The following CHST9 variants were observed in gnomAD, a reference collection of about 807,000 sequenced individuals.
CHST9 encodes GalNAc-4-sulfotransferase 2.
In CHST9, 41 loss-of-function variants were observed where a neutral mutation model predicts 44.4. That is an observed-to-expected ratio of 0.92 (90% confidence interval 0.72 to 1.20). The LOEUF is 1.20. CHST9 is among the 50% of genes most tolerant of loss of function. CHST9 has a pLI of 0.00. For synonymous variants in CHST9, 171 were observed against 178.4 expected (o/e 0.96, Z 0.33); for missense variants, 504 against 516.5 (o/e 0.98, Z 0.23).
intron 2 of CHST9, among the ~76,000 whole-genome samples, chr18:27,056,301 G>A (rs2057654540): frequency 6.6e-6 from 1 of 152,062 alleles, no homozygotes; most frequent in Non-Finnish European, 1.5e-5. Flanking sequence ...GATGGTGAAG[G>A]CAGGCTCAGA....
intron 4 of CHST9, among the ~76,000 whole-genome samples, chr18:26,954,372 T>C (rs756763680): frequency 1.6e-4 from 25 of 152,122 alleles, no homozygotes; most frequent in Admixed American, 7.9e-4. Context: ...CAGTCCCCAA[T>C]TTGTTGAGCC....
At chr18:26,978,995 T>A (rs973367672) in intron 4 of CHST9, among the ~76,000 whole-genome samples, 1 of 152,032 alleles carries the variant, frequency 6.6e-6, no homozygotes, top group East Asian at 1.9e-4. Context: ...GTTTTTGTTG[T>A]TTCCGTTTTT....
chr18:27,009,615 T>C (rs1475740922), intron 4 of CHST9, among the ~76,000 whole-genome samples: 1 of 152,202 alleles, frequency 6.6e-6, no homozygotes, highest in African/African-American at 2.4e-5. Flanking sequence ...TTCTGACACA[T>C]GGCATGCAAT....
At chr18:26,987,835 G>A (rs531450678) in intron 4 of CHST9, among the ~76,000 whole-genome samples, 26 of 152,224 alleles carry the variant, frequency 1.7e-4, no homozygotes, top group African/African-American at 6.0e-4. Context: ...AGGACCCGAA[G>A]AGAAATTGGC....
At chr18:27,010,687 C>T (rs898909439) in intron 4 of CHST9, among the ~76,000 whole-genome samples, 1 of 152,190 alleles carries the variant, frequency 6.6e-6, no homozygotes, top group African/African-American at 2.4e-5. Context: ...TCCCATCTCT[C>T]ATCGTACTCA....
At chr18:27,011,244 A>G (rs1296488302) in intron 4 of CHST9, among the ~76,000 whole-genome samples, 1 of 152,246 alleles carries the variant, frequency 6.6e-6, no homozygotes, top group Non-Finnish European at 1.5e-5. Context: ...TTTCTATAAT[A>G]AAACACCACT....
intron 3 of CHST9, among the ~76,000 whole-genome samples, chr18:27,040,049 G>C (rs908862555): frequency 5.9e-5 from 9 of 152,118 alleles, no homozygotes; most frequent in African/African-American, 2.2e-4. Context: ...ATATCTGACT[G>C]ACAAGTACAG....
At chr18:26,948,380 G>T (rs1446177843) in intron 4 of CHST9, among the ~76,000 whole-genome samples, 2 of 151,888 alleles carry the variant, frequency 1.3e-5, no homozygotes, top group African/African-American at 4.8e-5. Context: ...ATGCATCCCA[G>T]AACTTAAAGT....
chr18:27,002,563 A>T (rs1276347025), intron 4 of CHST9, among the ~76,000 whole-genome samples: 1 of 152,230 alleles, frequency 6.6e-6, no homozygotes, highest in Non-Finnish European at 1.5e-5. Context: ...TTCAACACGT[A>T]ATTGTGAAAT....
intron 4 of CHST9, among the ~76,000 whole-genome samples, chr18:26,970,720 G>A (rs917201938): frequency 2.6e-5 from 4 of 152,284 alleles, no homozygotes; most frequent in African/African-American, 9.6e-5. Context: ...GAGCCAATGC[G>A]CCTGGCTGAG....
intron 2 of CHST9, among the ~76,000 whole-genome samples, chr18:27,065,781 C>T (rs1306516983): frequency 6.6e-6 from 1 of 152,108 alleles, no homozygotes; most frequent in Non-Finnish European, 1.5e-5. Flanking sequence ...ATGATAACTA[C>T]TTTCAATATT....
intron 2 of CHST9, among the ~76,000 whole-genome samples, chr18:27,055,753 G>T (rs2096157258): frequency 6.6e-6 from 1 of 152,132 alleles, no homozygotes; most frequent in South Asian, 2.1e-4. Context: ...CTCAATGCAA[G>T]ATTTTCTTAG....
intron 2 of CHST9, among the ~76,000 whole-genome samples, chr18:27,059,939 T>G (rs1166913838): frequency 2.0e-5 from 3 of 152,218 alleles, no homozygotes; most frequent in Non-Finnish European, 2.9e-5. Context: ...CAGTGGATAT[T>G]GATTAATTGC....
intron 5 of CHST9, among the ~76,000 whole-genome samples, chr18:26,941,254 T>C (rs1442346756): frequency 6.6e-6 from 1 of 152,158 alleles, no homozygotes. Flanking sequence ...CTCCACAGCA[T>C]AGACATCCTC....
intron 2 of CHST9, among the ~76,000 whole-genome samples, chr18:27,113,003 T>C (rs2058287050): frequency 6.6e-6 from 1 of 151,890 alleles, no homozygotes; most frequent in Non-Finnish European, 1.5e-5. Context: ...TCCTGGCTAA[T>C]GTAGTGAAAC....
chr18:27,094,664 A>G lies in CHST9; in HGVS notation c.122-46161T>C, dbSNP rs558451246. Among the ~76,000 whole-genome samples, 3 of 152,366 alleles carry G rather than the reference A, an allele frequency of 2.0e-5. No homozygotes were observed. The South Asian group carries it at 6.2e-4, about 32-fold the overall frequency. On this transcript the variant is annotated intron_variant, in intron 2 of 5. Coordinates refer to ENST00000618847, the MANE Select transcript of CHST9 (RefSeq NM_031422.6). ...AAAAAGCAATGGTCAGAAGGAATTT[A>G]TAAAGTGTTATGTTCATATAATAAT...
At chr18:27,103,492 T>C (rs1473503703) in intron 2 of CHST9, among the ~76,000 whole-genome samples, 1 of 152,236 alleles carries the variant, frequency 6.6e-6, no homozygotes, top group Non-Finnish European at 1.5e-5. Context: ...TGAATGAAAA[T>C]CTACTCTAAG....
intron 3 of CHST9, among the ~76,000 whole-genome samples, chr18:27,040,413 T>C (rs191862676): frequency 9.9e-5 from 15 of 152,254 alleles, no homozygotes; most frequent in Non-Finnish European, 1.8e-4. Flanking sequence ...GTGAATTAAT[T>C]AATCAGATCA....
chr18:26,984,716 G>T (rs2056733273), intron 4 of CHST9, among the ~76,000 whole-genome samples: 1 of 121,428 alleles, frequency 8.2e-6, no homozygotes, highest in African/African-American at 3.2e-5. Context: ...CATAAAAGAG[G>T]ATTACCAAAA....
Sources: gnomAD v4.1 joint callset for allele counts (sites outside exome capture counted in the v4.1 genomes callset) on GRCh38, gnomAD v4.1.1 for gene constraint, MANE v1.5 for transcripts, NCBI Gene and HGNC (gene_info 2026-07-23, HGNC 2026-07-21) for gene names.